Variants in DCHS1 observed in about 807,000 individuals in gnomAD.
DCHS1 encodes the protein dachsous cadherin-related 1.
Under a neutral mutation model 213.9 loss-of-function variants are expected in DCHS1, and 78 were observed. The observed-to-expected ratio is 0.36, with a 90% CI of 0.30 to 0.44. DCHS1 has a LOEUF of 0.44. Ranked by LOEUF, DCHS1 falls within the 20% of genes least tolerant of loss-of-function variation. The probability of loss-of-function intolerance (pLI) is 1.00; values close to 1 mark genes in which losing one functional copy is unlikely to be tolerated. For synonymous variants in DCHS1, 1,828 were observed against 1,873.7 expected (o/e 0.98, Z 0.63); for missense variants, 3,946 against 4,395.9 (o/e 0.90, Z 2.89).
At chr11:6,650,819 T>G (rs1267088958) in intron 1 of DCHS1, among the ~76,000 whole-genome samples, 1 of 152,202 alleles carries the variant, frequency 6.6e-6, no homozygotes, top group Admixed American at 6.5e-5. Context: ...CTTCTGGTAC[T>G]TCTTAAATAT....
intron 2 of DCHS1, among the ~76,000 whole-genome samples, chr11:6,639,356 A>G (rs1406944748): frequency 6.6e-6 from 1 of 152,068 alleles, no homozygotes; most frequent in Non-Finnish European, 1.5e-5. Flanking sequence ...TCTCATTCTC[A>G]TGTCTGAGAC....
chr11:6,641,316 C>T lies in DCHS1; in HGVS notation c.298G>A (p.Val100Ile). 6.2e-7 allele frequency: 1 copy of T among 1,613,702 alleles called. No individual in the cohort carries two copies. Among genetic ancestry groups the T allele is most frequent in the Admixed American group, 1.7e-5 (1 of 60,034 alleles). The change falls in exon 2 of 21, where the codon GTC (valine) becomes ATC (isoleucine). Residue 100 changes from valine (V) to isoleucine (I), a missense_variant. Physicochemically the swap from Val to Ile is conservative, Grantham distance 29. Coordinates refer to ENST00000299441, the MANE Select transcript of DCHS1 (RefSeq NM_003737.4). The surrounding 1 kb of genome is among the most constrained non-coding windows in gnomAD (Gnocchi z 7.1). ...TDLAIDEHSG[V>I]VRTARVLDRE... ...TCCAAGACACGGGCTGTACGGACGACCCCACTGTGTTCGTCAATGGCCAGG... is the reference window on the plus strand; with the variant it reads ...TCCAAGACACGGGCTGTACGGACGATCCCACTGTGTTCGTCAATGGCCAGG...
rs758007512 is a variant in DCHS1, at chr11:6,630,444, C to A, written c.4350G>T (p.Glu1450Asp). The change falls in exon 10 of 21, where the codon GAG (glutamate) becomes GAT (aspartate). Residue 1450 changes from glutamate to aspartate, a missense_variant. Transcript: ENST00000299441. ...GGAAAGTGTACAGCGCTGCGCCGGG[C>A]TCCGGGTTCTCTGGCAGCGCCAGCG... ...PLALALPENP[E>D]PGAALYTFRA... 76 of 1,508,982 alleles carry A rather than the reference C, an allele frequency of 5.0e-5. No homozygotes were observed. The highest frequency in any genetic ancestry group is 1.8e-4 in the Middle Eastern group (1 of 5,532). The allele number at this position is 1,508,982 out of a possible 1,614,324, so 93.5% of individuals were successfully genotyped here.
chr11:6,634,169 G>A lies in DCHS1; in HGVS notation c.1935C>T (p.Asp645=). The A allele has an allele frequency of 6.2e-7, 1 of 1,612,860 alleles. No individual in the cohort carries two copies. Among genetic ancestry groups the A allele is most frequent in the South Asian group, 1.1e-5 (1 of 91,000 alleles). ...SGDVCTTRTL[D]RDQGPSSFDF... is the part of the protein sequence containing the mutation. Reference sequence around the variant, plus strand: ...CAAAGCTTGAGGGCCCCTGGTCACGGTCCAGGGTCCGGGTTGTGCACACAT... The same window carrying A: ...CAAAGCTTGAGGGCCCCTGGTCACGATCCAGGGTCCGGGTTGTGCACACAT... The change falls in exon 3 of 21, where the codon GAC becomes GAT. Residue 645 remains aspartate, a synonymous_variant. Coordinates refer to ENST00000299441, the MANE Select transcript of DCHS1 (RefSeq NM_003737.4).
At position 6,641,478 on chromosome 11, in the gene DCHS1, T is replaced by C. The variant is rs1359791492; in HGVS notation, c.136A>G (p.Ser46Gly). 20 of 1,577,296 alleles carry C rather than the reference T, an allele frequency of 1.3e-5. No homozygotes were observed. Among genetic ancestry groups the C allele is most frequent in the Non-Finnish European group, 1.5e-5 (18 of 1,162,466 alleles). The change falls in exon 2 of 21, where the codon AGC becomes GGC. Residue 46 changes from serine (S) to glycine (G), a missense_variant. By Grantham distance (56) the Ser-to-Gly change is moderately conservative (BLOSUM62 0). Around this residue, in one of 3 missense-constraint regions of DCHS1, gnomAD observed 3,384 missense variants for 3,780.1 expected, o/e 0.90. Transcript: ENST00000299441. The surrounding 1 kb of genome is among the most constrained non-coding windows in gnomAD (Gnocchi z 7.1). ...TCCTCATCAATCTGCAAGTCCAGGC[T>C]CCCAGCCTGACCCCAGGCACCTGGC... Reference protein sequence around the residue: ...GVPGAWGQAGSLDLQIDEEQP... With the variant: ...GVPGAWGQAGGLDLQIDEEQP...
Position 6,625,493 on chromosome 11 carries a change from G to A in DCHS1, c.6863-12C>T. On this transcript the variant is annotated splice_polypyrimidine_tract_variant and intron_variant, in intron 18 of 20. Coordinates refer to ENST00000299441, the MANE Select transcript of DCHS1 (RefSeq NM_003737.4). This position sits in a 1 kb window ranked among gnomAD's most constrained non-coding sequence, Gnocchi z 5.3. ...GCCCAATAACGCATCTGGAATACAT[G>A]AGACTAGTGTGTTTGGCAATGGACA... 9 of 1,605,116 alleles carry A rather than the reference G, an allele frequency of 5.6e-6. No homozygotes were observed. The highest frequency in any genetic ancestry group is 1.1e-5 in the South Asian group (1 of 90,166).
rs763647132 is a variant in DCHS1, at chr11:6,625,392, G to A, written c.6952C>T (p.Pro2318Ser). ...CGGCCAACACTGAAGGGATCCTGGG[G>A]CCCAGATGGGCTTAGCACATACCAC... ...VLWYVLSPSG[P>S]QDPFSVGRYG... The change falls in exon 19 of 21, where the codon CCC (proline) becomes TCC (serine). Residue 2318 changes from proline to serine, a missense_variant. Around this residue, in one of 3 missense-constraint regions of DCHS1, gnomAD observed 3,384 missense variants for 3,780.1 expected, o/e 0.90. Coordinates refer to ENST00000299441, the MANE Select transcript of DCHS1 (RefSeq NM_003737.4). The surrounding 1 kb of genome is among the most constrained non-coding windows in gnomAD (Gnocchi z 5.3). 66 of 1,611,616 alleles carry A rather than the reference G, an allele frequency of 4.1e-5. No homozygotes were observed. In the Admixed American group the frequency reaches 1.1e-3, roughly 26 times the overall value.
rs1383520627 is a variant in DCHS1, at chr11:6,634,193, A to T, written c.1911T>A (p.Asp637Glu). 5.0e-6 allele frequency: 8 copies of T among 1,613,932 alleles called. No individual in the cohort carries two copies. The highest frequency in any genetic ancestry group is 6.8e-6 in the Non-Finnish European group (8 of 1,179,846). The change falls in exon 3 of 21, where the codon GAT (aspartate) becomes GAA (glutamate). Residue 637 changes from aspartate to glutamate, a missense_variant. Asp to Glu is a conservative substitution (Grantham distance 45). This residue lies in a region of DCHS1 where 3,384 missense variants were observed against 3,780.1 expected (regional missense o/e 0.90). Coordinates refer to ENST00000299441, the MANE Select transcript of DCHS1 (RefSeq NM_003737.4). ...GGTCCAGGGTCCGGGTTGTGCACAC[A>T]TCACCGCTGTGGGCATCAATGCGGA... ...PPFRIDAHSG[D>E]VCTTRTLDRD... is the part of the protein sequence containing the mutation.
At position 6,624,969 on chromosome 11, in the gene DCHS1, T is replaced by C; in HGVS notation, c.7147-101A>G. The C allele has an allele frequency of 2.0e-6, 3 of 1,526,772 alleles. No individual in the cohort carries two copies. The South Asian group carries it at 3.6e-5, about 18-fold the overall frequency. The allele number at this position is 1,526,772 out of a possible 1,614,324, so 94.6% of individuals were successfully genotyped here. A position where few individuals can be genotyped will look rare whatever the true frequency, so the allele number is the denominator to read the frequency against. On this transcript the variant is annotated intron_variant, in intron 19 of 20. Coordinates refer to ENST00000299441, the MANE Select transcript of DCHS1 (RefSeq NM_003737.4). The stretch of plus-strand genomic sequence containing the variant: ...GGTTCCTTGTGCCCTGCTTGGCGTC[T>C]ATTCCAACTTGGAGCCCCTACTCCT...
intron 5 of DCHS1, 111 bp from the exon 6 acceptor site, chr11:6,633,167 A>G (rs2134632612): frequency 7.4e-7 from 1 of 1,344,520 alleles, no homozygotes; most frequent in South Asian, 1.5e-5. Context: ...CATGCCTTTC[A>G]AAATATTAGG....
rs1231819359 is a variant in DCHS1, at chr11:6,621,742, G to C, written c.*37C>G. 4 of 1,545,542 alleles carry C rather than the reference G, an allele frequency of 2.6e-6. No homozygotes were observed. Among genetic ancestry groups the C allele is most frequent in the Non-Finnish European group, 3.5e-6 (4 of 1,146,216 alleles). On this transcript the variant is annotated 3_prime_UTR_variant, in exon 21 of 21. Transcript: ENST00000299441. The stretch of plus-strand genomic sequence containing the variant: ...GAGTGGGGCCTGCGTTGGGGACACT[G>C]TGCGCATCCCAGGTCGGGGCCCAGC...
At position 6,624,355 on chromosome 11, in the gene DCHS1, C is replaced by T. The variant is rs751924525; in HGVS notation, c.7321G>A (p.Gly2441Ser). 1 of 1,576,204 alleles carries T rather than the reference C, an allele frequency of 6.3e-7. No individual in the cohort carries two copies. The highest frequency in any genetic ancestry group is 1.2e-5 in the South Asian group (1 of 86,584). The change falls in exon 21 of 21, where the codon GGC becomes AGC. Residue 2441 changes from glycine (G) to serine (S), a missense_variant. Physicochemically the swap from Gly to Ser is moderately conservative, Grantham distance 56. Coordinates refer to ENST00000299441, the MANE Select transcript of DCHS1 (RefSeq NM_003737.4). Reference protein sequence around the residue: ...LFTIVGTVALGHDGSGAVDVV... With the variant: ...LFTIVGTVALSHDGSGAVDVV... ...TCCACTGCTCCTGACCCGTCATGGC[C>T]CAAGGCCACTGTTCCCACTATTGTG...
In DCHS1 at chr11:6,631,452, A is replaced by G. The variant is rs764056680; in HGVS notation, c.3676-45T>C. 1.1e-4 allele frequency: 181 copies of G among 1,611,916 alleles called. 2 individuals are homozygous for G. The South Asian group carries it at 1.5e-3, about 14-fold the overall frequency. ...CTAGTGAGTCTCTTTCCTGTTCTTC[A>G]GACAACTCAGGATAAAGCTTCCCTC... On this transcript the variant is annotated intron_variant, in intron 7 of 20. Coordinates refer to ENST00000299441, the MANE Select transcript of DCHS1 (RefSeq NM_003737.4).
rs993370785 is a variant in DCHS1, at chr11:6,640,593, G to A, written c.1021C>T (p.Pro341Ser). 6.2e-7 allele frequency: 1 copy of A among 1,608,746 alleles called. No homozygotes were observed. Among genetic ancestry groups the A allele is most frequent in the East Asian group, 2.2e-5 (1 of 44,888 alleles). The change falls in exon 2 of 21, where the codon CCT (proline) becomes TCT (serine). Residue 341 changes from proline (P) to serine (S), a missense_variant. Physicochemically the swap from Pro to Ser is moderately conservative, Grantham distance 74. Around this residue, in one of 3 missense-constraint regions of DCHS1, gnomAD observed 3,384 missense variants for 3,780.1 expected, o/e 0.90. Transcript: ENST00000299441. The surrounding 1 kb of genome is among the most constrained non-coding windows in gnomAD (Gnocchi z 6.5). ...GTCACAAAGGCCGAGCCCAGCTCAG[G>A]GTGAGCCCCACCATCTCGTGCTTGC... The part of the protein sequence containing the change: ...VVQARDGGAH[P>S]ELGSAFVTVH...
rs111781030 is a variant in DCHS1 at position 6,632,516 on chromosome 11, C to T, written c.2996G>A (p.Arg999Gln). 5,636 of 1,545,352 alleles carry T rather than the reference C, an allele frequency of 3.6e-3. 15 individuals are homozygous for T. Among genetic ancestry groups the T allele is most frequent in the Non-Finnish European group, 4.6e-3 (5,276 of 1,143,980 alleles). Residue 999 changes from arginine (R) to glutamine (Q), a missense_variant, in exon 6 of 21, where the codon CGA becomes CAA. Arg to Gln is a conservative substitution (Grantham distance 43, BLOSUM62 1). Around this residue, in one of 3 missense-constraint regions of DCHS1, gnomAD observed 3,384 missense variants for 3,780.1 expected, o/e 0.90. Coordinates refer to ENST00000299441, the MANE Select transcript of DCHS1 (RefSeq NM_003737.4). This position sits in a 1 kb window ranked among gnomAD's most constrained non-coding sequence, Gnocchi z 5.9. ...CACACGGTAGGTAGGGCTGTTGAAT[C>T]GGGGAGCCAGCCCACGGGTTCCCAC... The part of the protein sequence containing the change: ...QDVGTRGLAP[R>Q]FNSPTYRVDL...
chr11:6,633,676 T>C lies in DCHS1; in HGVS notation c.2219-28A>G, dbSNP rs147301653. ...GAGAGGAAGAATAGAAGCAGAGATATATAAGGAAACATAATAGGGCTAGAA... is the reference window on the plus strand; with the variant it reads ...GAGAGGAAGAATAGAAGCAGAGATACATAAGGAAACATAATAGGGCTAGAA... On this transcript the variant is annotated intron_variant, in intron 4 of 20. Coordinates refer to ENST00000299441, the MANE Select transcript of DCHS1 (RefSeq NM_003737.4). The C allele has an allele frequency of 1.3e-4, 213 of 1,609,684 alleles. 1 individual carries two copies. In the East Asian group the frequency reaches 4.1e-3, roughly 31 times the overall value.
rs767297738 is a variant in DCHS1 at position 6,639,949 on chromosome 11, C to A, written c.1665G>T (p.Leu555=). ...CTGTGGCAGAGGAGGCTAGAGGGGGCAGGCCACCATCTGTGGCCACCACAA... is the reference window on the plus strand; with the variant it reads ...CTGTGGCAGAGGAGGCTAGAGGGGGAAGGCCACCATCTGTGGCCACCACAA... The part of the protein sequence containing the change: ...QLIVVATDGG[L]PPLASSATVS... Residue 555 remains leucine (L), a synonymous_variant, in exon 2 of 21, where the codon CTG becomes CTT. Transcript: ENST00000299441. The A allele has an allele frequency of 1.5e-5, 25 of 1,613,922 alleles. No homozygotes were observed. The highest frequency in any genetic ancestry group is 1.9e-5 in the Non-Finnish European group (23 of 1,179,906).
rs1171952660 is a variant in DCHS1, at chr11:6,627,389, C to T, written c.5650G>A (p.Ala1884Thr). ...LLQLQAHDPD[A>T]GANGHVTYYL... ...TAGGTCACATGGCCATTAGCTCCAG[C>T]ATCAGGGTCATGAGCCTGTAGCTGC... is the stretch of plus-strand genomic sequence containing the variant. The change falls in exon 14 of 21, where the codon GCT becomes ACT. Residue 1884 changes from alanine (A) to threonine (T), a missense_variant. Coordinates refer to ENST00000299441, the MANE Select transcript of DCHS1 (RefSeq NM_003737.4). This position sits in a 1 kb window ranked among gnomAD's most constrained non-coding sequence, Gnocchi z 5.4. 2 of 1,608,568 alleles carry T rather than the reference C, an allele frequency of 1.2e-6. No homozygotes were observed. Among genetic ancestry groups the T allele is most frequent in the Admixed American group, 1.7e-5 (1 of 59,158 alleles).
chr11:6,624,850 T>G lies in DCHS1; in HGVS notation c.7165A>C (p.Thr2389Pro), dbSNP rs780575460. 1 of 1,613,832 alleles carries G rather than the reference T, an allele frequency of 6.2e-7. No individual in the cohort carries two copies. The highest frequency in any genetic ancestry group is 8.5e-7 in the Non-Finnish European group (1 of 1,179,826). ...GAGAGAATGGCACTGCCTGGGGGTG[T>G]GTGCTCAAGCAGCATTACCTGAAGT... ...SLYQVMLLEH[T>P]PPGSAILSVS... The change falls in exon 20 of 21, where the codon ACA becomes CCA. Residue 2389 changes from threonine (T) to proline (P), a missense_variant. Physicochemically the swap from Thr to Pro is conservative, Grantham distance 38. Transcript: ENST00000299441.
Sources: gnomAD v4.1 joint callset for allele counts (sites outside exome capture counted in the v4.1 genomes callset) on GRCh38, gnomAD v4.1.1 for gene constraint, gnomAD v4.1.1 regional missense constraint, Gnocchi (gnomAD v3.1) non-coding constraint, MANE v1.5 for transcripts, NCBI Gene and HGNC (gene_info 2026-07-23, HGNC 2026-07-21) for gene names.